Variants in PCDH15 observed in about 807,000 individuals in gnomAD.
The protein encoded by PCDH15 is protocadherin-15.
Under a neutral mutation model 178.5 loss-of-function variants are expected in PCDH15, and 129 were observed. The ratio of observed to expected loss-of-function variants is 0.72; its 90% CI spans 0.63 to 0.84. The LOEUF (loss-of-function observed/expected upper bound fraction) is 0.84, where lower values mean the gene tolerates loss of function less well. PCDH15 is among the 40% of genes least tolerant of loss of function. The probability of loss-of-function intolerance (pLI) is 0.00; values close to 1 mark genes in which losing one functional copy is unlikely to be tolerated. For synonymous variants in PCDH15, 800 were observed against 732.0 expected (o/e 1.09, Z -1.50); for missense variants, 2,230 against 2,099.9 (o/e 1.06, Z -1.21).
At chr10:54,681,048 G>A (rs1195357649) in intron 1 of PCDH15, among the ~76,000 whole-genome samples, 1 of 152,112 alleles carries the variant, frequency 6.6e-6, no homozygotes, top group African/African-American at 2.4e-5. Flanking sequence ...CTCTGAGTGG[G>A]GAGCATGCCA....
At chr10:53,813,119 A>ATTT (rs2075936130) in intron 35 of PCDH15, among the ~76,000 whole-genome samples, 1 of 152,242 alleles carries the variant, frequency 6.6e-6, no homozygotes, top group African/African-American at 2.4e-5. Context: ...CTAGGATCAT[A>ATTT]TTTTTACATT....
At chr10:54,544,038 G>T (rs1463991789) in intron 2 of PCDH15, among the ~76,000 whole-genome samples, 1 of 152,120 alleles carries the variant, frequency 6.6e-6, no homozygotes, top group Non-Finnish European at 1.5e-5. Context: ...TGAATTTAGA[G>T]ATCCATCTCC....
At chr10:54,441,545 A>C (rs1321298739) in intron 3 of PCDH15, among the ~76,000 whole-genome samples, 4 of 151,882 alleles carry the variant, frequency 2.6e-5, no homozygotes, top group African/African-American at 7.2e-5. Context: ...TGACATTGCC[A>C]TTAATGATTC....
chr10:54,952,839 A>G (rs921346935), intron 2 of PCDH15, among the ~76,000 whole-genome samples: 1 of 151,650 alleles, frequency 6.6e-6, no homozygotes, highest in Non-Finnish European at 1.5e-5. Context: ...TTTAAAATTA[A>G]CTGTTTATCT....
intron 2 of PCDH15, among the ~76,000 whole-genome samples, chr10:55,159,657 G>T (rs960633414): frequency 2.0e-5 from 3 of 146,744 alleles, no homozygotes; most frequent in East Asian, 2.0e-4. Flanking sequence ...GAGATAAAGA[G>T]ATATAATTAT....
At chr10:55,082,853 A>G (rs1447933626) in intron 2 of PCDH15, among the ~76,000 whole-genome samples, 7 of 151,974 alleles carry the variant, frequency 4.6e-5, no homozygotes, top group Admixed American at 4.6e-4. Flanking sequence ...CTATCAAGAA[A>G]TCCAAAACCT....
At chr10:55,556,105 T>C (rs1456134134) in intron 2 of PCDH15, among the ~76,000 whole-genome samples, 1 of 152,152 alleles carries the variant, frequency 6.6e-6, no homozygotes, top group Admixed American at 6.6e-5. Context: ...ACTATAGCTC[T>C]AGATTATTAA....
At chr10:54,973,259 T>A (rs1018867141) in intron 2 of PCDH15, among the ~76,000 whole-genome samples, 6 of 152,202 alleles carry the variant, frequency 3.9e-5, no homozygotes, top group African/African-American at 1.4e-4. Context: ...TGTGTGCAGA[T>A]CAAGTGTATA....
At chr10:54,483,653 A>C (rs984118782) in intron 3 of PCDH15, among the ~76,000 whole-genome samples, 4 of 151,934 alleles carry the variant, frequency 2.6e-5, no homozygotes, top group Non-Finnish European at 5.9e-5. Context: ...TAAAAGAAAC[A>C]GAAAACCTAA....
At chr10:54,709,146 T>C (rs1339212773) in intron 1 of PCDH15, among the ~76,000 whole-genome samples, 1 of 152,146 alleles carries the variant, frequency 6.6e-6, no homozygotes, top group African/African-American at 2.4e-5. Context: ...AATTCATTAC[T>C]ATATGGAACT....
chr10:54,069,110 G>GT (rs1395303882), intron 17 of PCDH15, among the ~76,000 whole-genome samples: 4 of 152,146 alleles, frequency 2.6e-5, no homozygotes, highest in Admixed American at 6.6e-5. Flanking sequence ...AAGAAGATGT[G>GT]TTTTTTACAG....
At chr10:55,226,353 TG>T in intron 1 of PCDH15, among the ~76,000 whole-genome samples, 1 of 151,158 alleles carries the variant, frequency 6.6e-6, no homozygotes, top group Middle Eastern at 3.4e-3. Context: ...ATAGTTTTTT[TG>T]TTTTGTTTTG....
chr10:54,423,251 C>T (rs1589330335), intron 3 of PCDH15, among the ~76,000 whole-genome samples: 1 of 152,104 alleles, frequency 6.6e-6, no homozygotes, highest in African/African-American at 2.4e-5. Flanking sequence ...GCAATAATTT[C>T]CCTGGTTACT....
chr10:55,160,215 T>C (rs189587451), intron 2 of PCDH15, among the ~76,000 whole-genome samples: 2 of 152,160 alleles, frequency 1.3e-5, no homozygotes, highest in East Asian at 1.9e-4. Context: ...TTTTACTTTT[T>C]TCTTGCTTTA....
intron 2 of PCDH15, among the ~76,000 whole-genome samples, chr10:55,611,989 G>A (rs1318094919): frequency 1.3e-5 from 2 of 152,002 alleles, no homozygotes; most frequent in African/African-American, 2.4e-5. Context: ...TAGAAGTAAA[G>A]AGTAGAATGA....
chr10:54,332,219 T>A (rs1358992854), intron 6 of PCDH15, among the ~76,000 whole-genome samples: 1 of 115,454 alleles, frequency 8.7e-6, no homozygotes, highest in Non-Finnish European at 1.9e-5. Flanking sequence ...CATCTTTAAT[T>A]TAGTTTTTTA....
chr10:54,341,982 C>T lies in PCDH15; in HGVS notation c.594+4383G>A, dbSNP rs548203506. On this transcript the variant is annotated intron_variant, in intron 6 of 37. Coordinates refer to ENST00000644397, the MANE Select transcript of PCDH15 (RefSeq NM_001384140.1). ...TTTTCTGAAAGCATACAGTCATAGG[C>T]ATATATGAAGACATTATGTGAAACT... 2.0e-5 allele frequency among the ~76,000 whole-genome samples: 3 copies of T among 152,228 alleles called. No homozygotes were observed. In the South Asian group the frequency reaches 6.2e-4, roughly 32 times the overall value.
intron 25 of PCDH15, among the ~76,000 whole-genome samples, chr10:53,917,328 T>C (rs2083609443): frequency 6.6e-6 from 1 of 152,142 alleles, no homozygotes; most frequent in Non-Finnish European, 1.5e-5. Flanking sequence ...GAAGACAAAA[T>C]TATTATGTCT....
chr10:55,623,781 C>A (rs1213829728), intron 2 of PCDH15, among the ~76,000 whole-genome samples: 1 of 151,002 alleles, frequency 6.6e-6, no homozygotes, highest in Non-Finnish European at 1.5e-5. Context: ...TGGGCACTAA[C>A]ACCTTCTAAT....
Sources: gnomAD v4.1 joint callset for allele counts (sites outside exome capture counted in the v4.1 genomes callset) on GRCh38, gnomAD v4.1.1 for gene constraint, MANE v1.5 for transcripts, NCBI Gene and HGNC (gene_info 2026-07-23, HGNC 2026-07-21) for gene names.